Variants in SCARB1 observed in about 807,000 individuals in gnomAD.
SCARB1 encodes CD36 and LIMPII analogous 1.
In SCARB1, 30 loss-of-function variants were observed where a neutral mutation model predicts 57.2. That is an observed-to-expected ratio of 0.52 (90% CI 0.39 to 0.71). The LOEUF (loss-of-function observed/expected upper bound fraction) is 0.71, where lower values mean the gene tolerates loss of function less well. SCARB1 is among the 30% of genes least tolerant of loss of function. SCARB1 has a pLI of 0.00. For missense variants in SCARB1, 543 were observed against 671.2 expected (o/e 0.81, Z 2.11); for synonymous variants, 249 against 268.3 (o/e 0.93, Z 0.70).
At chr12:124,811,777 G>A in intron 5 of SCARB1, 93 bp downstream of exon 5, 1 of 803,438 alleles carries the variant, frequency 1.2e-6, no homozygotes, top group South Asian at 1.4e-5. Flanking sequence ...AAGGAAGAAG[G>A]AGCTCTCTGG....
chr12:124,778,620 C>T (rs553963481), intron 12 of SCARB1, 34 bp from the exon 13 acceptor site: 60 of 1,410,080 alleles, frequency 4.3e-5, no homozygotes, highest in African/African-American at 9.1e-5. Flanking sequence ...TGACCACCCA[C>T]GCCCTGTCAC....
At chr12:124,819,295 G>A (rs893052352) in intron 1 of SCARB1, among the ~76,000 whole-genome samples, 5 of 152,214 alleles carry the variant, frequency 3.3e-5, no homozygotes, top group African/African-American at 1.2e-4. Flanking sequence ...CCTGTGGTAG[G>A]GAGACGCTGG....
At chr12:124,863,328 TCCCGTCCAGGCCTCCCCAA>T (rs1257726975) in intron 1 of SCARB1, among the ~76,000 whole-genome samples, 1 of 152,102 alleles carries the variant, frequency 6.6e-6, no homozygotes, top group Non-Finnish European at 1.5e-5. Flanking sequence ...CCGGGTGGTC[TCCCGTCCAGGCCTCCCCAA>T]CCCTGGCCTG....
intron 1 of SCARB1, among the ~76,000 whole-genome samples, chr12:124,855,888 AAT>A (rs1204963157): frequency 2.0e-5 from 3 of 152,252 alleles, no homozygotes; most frequent in Non-Finnish European, 4.4e-5. Context: ...GCCTGCAGCA[AAT>A]CGCCACTGGG....
intron 10 of SCARB1, 23 bp downstream of exon 10, chr12:124,787,383 C>A (rs762389011): frequency 6.2e-7 from 1 of 1,612,196 alleles, no homozygotes; most frequent in Non-Finnish European, 8.5e-7. Context: ...AAGCCCCCGA[C>A]GCTGTGCCCA....
intron 6 of SCARB1, among the ~76,000 whole-genome samples, chr12:124,808,855 T>C (rs530573495): frequency 4.8e-4 from 73 of 152,078 alleles, no homozygotes; most frequent in Non-Finnish European, 9.4e-4. Context: ...AAAAACCTCA[T>C]CAATAACACT....
intron 1 of SCARB1, among the ~76,000 whole-genome samples, chr12:124,826,212 T>C (rs1326331852): frequency 1.3e-5 from 2 of 151,188 alleles, no homozygotes; most frequent in Non-Finnish European, 2.9e-5. Flanking sequence ...GCACCTATGG[T>C]CCCAGCTACT....
At chr12:124,831,734 T>C (rs12310272) in intron 1 of SCARB1, among the ~76,000 whole-genome samples, 49,459 of 152,108 alleles carry the variant, frequency 0.33, 9,265 homozygotes, top group South Asian at 0.43. Flanking sequence ...TTTCTTTACC[T>C]GTAACAAGGA....
rs117509384 is a variant in SCARB1, at chr12:124,854,492, T to C, written c.126+9103A>G. Reference sequence around the variant, plus strand: ...AATCTTGATGGGCTCCCATGGCTGCTTATTGAGAAACCCCACTGGGGAGCA... The same window carrying C: ...AATCTTGATGGGCTCCCATGGCTGCCTATTGAGAAACCCCACTGGGGAGCA... On this transcript the variant is annotated intron_variant, in intron 1 of 12. Transcript: ENST00000261693. Among the ~76,000 whole-genome samples, 477 of 152,202 alleles carry C rather than the reference T, an allele frequency of 3.1e-3. 1 individual carries two copies. Among genetic ancestry groups the C allele is most frequent in the Non-Finnish European group, 4.8e-3 (328 of 67,996 alleles).
chr12:124,800,052 G>A lies in SCARB1; in HGVS notation c.1128+72C>T. On this transcript the variant is annotated intron_variant, in intron 8 of 12. Transcript: ENST00000261693. This position sits in a 1 kb window ranked among gnomAD's most constrained non-coding sequence, Gnocchi z 4.8. ...CAGCCCACAGCAGCTCTCTGCCTGG[G>A]GAGAGAGGAGGCAGCCAGGTGTGCT... 8.7e-7 allele frequency: 1 copy of A among 1,147,120 alleles called. No individual in the cohort carries two copies. The allele number at this position is 1,147,120 out of a possible 1,614,324, so 71.1% of individuals were successfully genotyped here.
At chr12:124,862,187 A>C (rs1284063277) in intron 1 of SCARB1, among the ~76,000 whole-genome samples, 1 of 152,184 alleles carries the variant, frequency 6.6e-6, no homozygotes, top group Non-Finnish European at 1.5e-5. Flanking sequence ...AAGCTCCCTC[A>C]GTGTAACAGA....
intron 7 of SCARB1, among the ~76,000 whole-genome samples, chr12:124,802,512 T>C (rs997603359): frequency 6.6e-6 from 1 of 151,990 alleles, no homozygotes; most frequent in Non-Finnish European, 1.5e-5. Flanking sequence ...GGAGCCGAAC[T>C]CTGGAGGAAT....
intron 1 of SCARB1, among the ~76,000 whole-genome samples, chr12:124,819,350 G>A (rs73227572): frequency 0.035 from 5,326 of 152,260 alleles, 123 homozygotes; most frequent in Non-Finnish European, 0.054. Flanking sequence ...CGGAAGATGA[G>A]AACACAGAAG....
In SCARB1 at chr12:124,839,285, G is replaced by A. The variant is rs767222168; in HGVS notation, c.127-21578C>T. 4.0e-5 allele frequency: 18 copies of A among 455,172 alleles called. 1 individual carries two copies. Among genetic ancestry groups the A allele is most frequent in the Non-Finnish European group, 2.6e-5 (6 of 226,868 alleles). 28.2% of individuals were successfully genotyped at this position (455,172 alleles called of 1,614,324 possible). A position where few individuals can be genotyped will look rare whatever the true frequency, so the allele number is the denominator to read the frequency against. On this transcript the variant is annotated intron_variant, in intron 1 of 12. Transcript: ENST00000261693. ...TCTGTGGATCTGGCTACTCTAGGGA[G>A]CTCATGCAAATGGAATCGTACGGTA... is the stretch of plus-strand genomic sequence containing the variant.
rs1252456678 is a variant in SCARB1 at position 124,783,388 on chromosome 12, T to A, written c.1402-577A>T. 5.3e-5 allele frequency: 8 copies of A among 152,230 alleles called. No individual in the cohort carries two copies. The East Asian group carries it at 1.5e-3, about 29-fold the overall frequency. The allele number at this position is 152,230 out of a possible 1,614,324, so 9.4% of individuals were successfully genotyped here. A position where few individuals can be genotyped will look rare whatever the true frequency, so the allele number is the denominator to read the frequency against. On this transcript the variant is annotated intron_variant, in intron 11 of 12. Transcript: ENST00000261693. ...CAAGAGCCACCATACCTGGCTCAAG[T>A]GGAAAATTTCTCTAAAGAGAAATTA...
chr12:124,850,336 G>A (rs1952343129), intron 1 of SCARB1, among the ~76,000 whole-genome samples: 1 of 152,084 alleles, frequency 6.6e-6, no homozygotes, highest in Non-Finnish European at 1.5e-5. Flanking sequence ...TCATGCCACT[G>A]CACTCCAGCC....
At position 124,812,761 on chromosome 12, in the gene SCARB1, C is replaced by T. The variant is rs1319180975; in HGVS notation, c.631-796G>A. Among the ~76,000 whole-genome samples the T allele has an allele frequency of 6.6e-6, 1 of 152,112 alleles. No individual in the cohort carries two copies. Among genetic ancestry groups the T allele is most frequent in the African/African-American group, 2.4e-5 (1 of 41,408 alleles). On this transcript the variant is annotated intron_variant, in intron 4 of 12. Transcript: ENST00000261693. This position sits in a 1 kb window ranked among gnomAD's most constrained non-coding sequence, Gnocchi z 4.3. Reference sequence around the variant, plus strand: ...AAGGTTGCCCGGCTGAGTGACTGCACCCATCACAGACCTCCAGAGCAGGAC... The same window carrying T: ...AAGGTTGCCCGGCTGAGTGACTGCATCCATCACAGACCTCCAGAGCAGGAC...
intron 1 of SCARB1, among the ~76,000 whole-genome samples, chr12:124,846,594 CA>C: frequency 6.6e-6 from 1 of 151,708 alleles, no homozygotes; most frequent in East Asian, 1.9e-4. Context: ...ACTAAAAATA[CA>C]AAAATTAGCT....
Position 124,817,107 on chromosome 12 carries a change from T to TGCATGTGTAG in SCARB1, c.284+442_284+443insCTACACATGC, listed in dbSNP as rs1950758791. On this transcript the variant is annotated intron_variant, in intron 2 of 12. Transcript: ENST00000261693. This position sits in a 1 kb window ranked among gnomAD's most constrained non-coding sequence, Gnocchi z 4.8. ...GTATGTATGTGTGTGTGTATGTGTA[T>TGCATGTGTAG]GTACGTGTGTATGTATGTATGTGTG... 6.9e-6 allele frequency among the ~76,000 whole-genome samples: 1 copy of TGCATGTGTAG among 145,860 alleles called. No individual in the cohort carries two copies. Among genetic ancestry groups the TGCATGTGTAG allele is most frequent in the Non-Finnish European group, 1.5e-5 (1 of 65,634 alleles).
Sources: gnomAD v4.1 joint callset for allele counts (sites outside exome capture counted in the v4.1 genomes callset) on GRCh38, gnomAD v4.1.1 for gene constraint, Gnocchi (gnomAD v3.1) non-coding constraint, MANE v1.5 for transcripts, NCBI Gene and HGNC (gene_info 2026-07-23, HGNC 2026-07-21) for gene names.